Variants in DOCK9 observed in about 807,000 individuals in gnomAD.
DOCK9 encodes the protein dedicator of cytokinesis protein 9.
DOCK9 carries 89 observed loss-of-function variants against 263.3 expected under a neutral mutation model. The ratio of observed to expected loss-of-function variants is 0.34; its 90% confidence interval spans 0.28 to 0.40. The LOEUF is 0.40. DOCK9 is among the 10% of genes least tolerant of loss of function. DOCK9 has a pLI of 1.00. For synonymous variants in DOCK9, 976 were observed against 973.1 expected (o/e 1.00, Z -0.06); for missense variants, 2,140 against 2,603.4 (o/e 0.82, Z 3.87).
At chr13:98,853,646 T>A (rs2093630374) in intron 34 of DOCK9, 124 bp from the exon 35 acceptor site, 1 of 721,496 alleles carries the variant, frequency 1.4e-6, no homozygotes, top group Non-Finnish European at 2.4e-6. Flanking sequence ...AAGGTGCAAG[T>A]AACTTGCTGA....
At chr13:99,039,320 A>G (rs953233365) in intron 1 of DOCK9, among the ~76,000 whole-genome samples, 3 of 151,980 alleles carry the variant, frequency 2.0e-5, no homozygotes, top group Admixed American at 2.0e-4. Context: ...GATGGGTGTG[A>G]AAATGGCTCT....
intron 18 of DOCK9, 48 bp downstream of exon 18, chr13:98,888,110 T>C (rs1206130418): frequency 2.9e-6 from 4 of 1,370,770 alleles, no homozygotes; most frequent in East Asian, 2.4e-5. Context: ...ATTTTGAAAA[T>C]GGAAAAATCA....
chr13:98,800,719 CA>C (rs2090019250), intron 49 of DOCK9, among the ~76,000 whole-genome samples: 1 of 152,138 alleles, frequency 6.6e-6, no homozygotes, highest in South Asian at 2.1e-4. Context: ...TTTAATGTGA[CA>C]AGCGTGTCTT....
intron 1 of DOCK9, among the ~76,000 whole-genome samples, chr13:98,987,134 T>C (rs1878660998): frequency 6.6e-6 from 1 of 151,958 alleles, no homozygotes; most frequent in South Asian, 2.1e-4. Flanking sequence ...AACTTTCAAA[T>C]TGCTTAAAGA....
rs370881905 is a variant in DOCK9, at chr13:98,826,578, C to G, written c.5023+252G>C. Among the ~76,000 whole-genome samples the G allele has an allele frequency of 1.5e-3, 225 of 152,312 alleles. 10 individuals carry two copies. The South Asian group carries it at 0.043, about 29-fold the overall frequency. ...TTTGGCCAGATGCAAAACTCATTAG[C>G]TAGTTTTTGCAGAGTGAAGCTATCA... On this transcript the variant is annotated intron_variant, in intron 44 of 52. Coordinates refer to ENST00000682017, the MANE Select transcript of DOCK9 (RefSeq NM_001366683.2).
chr13:98,872,873 C>T (rs1283732772), intron 27 of DOCK9, among the ~76,000 whole-genome samples: 1 of 152,226 alleles, frequency 6.6e-6, no homozygotes, highest in African/African-American at 2.4e-5. Context: ...CACCACTATG[C>T]TGTGGAATCT....
rs2094098751 is a variant in DOCK9 at position 98,868,341 on chromosome 13, G to A, written c.2980C>T (p.His994Tyr). The change falls in exon 28 of 53, where the codon CAT becomes TAT. Residue 994 changes from histidine (H) to tyrosine (Y), a missense_variant. By Grantham distance (83) the His-to-Tyr change is moderately conservative. Coordinates refer to ENST00000682017, the MANE Select transcript of DOCK9 (RefSeq NM_001366683.2). ...ATATTTACAACGGTTTCCACTGCAT[G>A]ATGATAGGATGCAGGAAATCTCTGG... is the stretch of plus-strand genomic sequence containing the variant. ...RNQRFPASYHHAVETVVNMLM... is the reference protein window; with the variant it reads ...RNQRFPASYHYAVETVVNMLM... The A allele has an allele frequency of 6.2e-7, 1 of 1,613,222 alleles. No individual in the cohort carries two copies. The highest frequency in any genetic ancestry group is 8.5e-7 in the Non-Finnish European group (1 of 1,179,612).
rs1218849484 is a variant in DOCK9, at chr13:98,954,319, A to G, written c.243+1116T>C. Among the ~76,000 whole-genome samples, 4 of 152,178 alleles carry G rather than the reference A, an allele frequency of 2.6e-5. No homozygotes were observed. In the East Asian group the frequency reaches 7.7e-4, roughly 29 times the overall value. ...ACAGCATCAGGTAGAGAAGTGTCCA[A>G]CTAAGAGCATCAAAGGAGAGGAGAA... On this transcript the variant is annotated intron_variant, in intron 2 of 52. Transcript: ENST00000682017.
In DOCK9 at chr13:98,868,259, G is replaced by C; in HGVS notation, c.3062C>G (p.Ala1021Gly). The C allele has an allele frequency of 6.2e-7, 1 of 1,613,856 alleles. No homozygotes were observed. Among genetic ancestry groups the C allele is most frequent in the Non-Finnish European group, 8.5e-7 (1 of 1,179,868 alleles). ...FRDNPEASKN[A>G]NHSLAVFIKR... is the part of the protein sequence containing the mutation. ...GATGAAGACAGCAAGGCTATGATTC[G>C]CGTTCTTAGATGCCTCTGGATTATC... The change falls in exon 28 of 53, where the codon GCG (alanine) becomes GGG (glycine). Residue 1021 changes from alanine to glycine, a missense_variant. Around this residue, in one of 2 missense-constraint regions of DOCK9, gnomAD observed 1,521 missense variants for 1,741.7 expected, o/e 0.87. Transcript: ENST00000682017.
intron 1 of DOCK9, among the ~76,000 whole-genome samples, chr13:98,989,991 T>C (rs1018506281): frequency 6.6e-6 from 1 of 152,192 alleles, no homozygotes; most frequent in Non-Finnish European, 1.5e-5. Flanking sequence ...ATTGAAACAC[T>C]TGCTTAGCAG....
At chr13:99,042,902 G>A (rs1280776265) in intron 1 of DOCK9, among the ~76,000 whole-genome samples, 2 of 152,010 alleles carry the variant, frequency 1.3e-5, no homozygotes, top group African/African-American at 4.8e-5. Flanking sequence ...CATGTAGCCT[G>A]CTTCACAGAC....
At chr13:98,949,555 G>C (rs865827544) in intron 2 of DOCK9, among the ~76,000 whole-genome samples, 2 of 152,224 alleles carry the variant, frequency 1.3e-5, no homozygotes, top group Non-Finnish European at 2.9e-5. Flanking sequence ...ACTGTGATGA[G>C]AGGTGTCTGC....
chr13:98,895,334 A>G (rs2047248617), intron 15 of DOCK9, among the ~76,000 whole-genome samples: 1 of 152,042 alleles, frequency 6.6e-6, no homozygotes, highest in African/African-American at 2.4e-5. Flanking sequence ...CATAAGATAA[A>G]CTAAAATAAA....
intron 1 of DOCK9, among the ~76,000 whole-genome samples, chr13:98,984,857 T>A (rs1483750543): frequency 6.6e-6 from 1 of 152,180 alleles, no homozygotes; most frequent in Non-Finnish European, 1.5e-5. Context: ...ATGAGAACTT[T>A]CCTTATTGAT....
intron 1 of DOCK9, among the ~76,000 whole-genome samples, chr13:99,021,583 G>A (rs796251400): frequency 3.4e-5 from 5 of 148,150 alleles, no homozygotes; most frequent in African/African-American, 1.2e-4. Flanking sequence ...AGCTTGCAGT[G>A]AGCCGAGATC....
intron 1 of DOCK9, among the ~76,000 whole-genome samples, chr13:99,038,288 C>CCGCTTTTTTTTTTTTT (rs1888110933): frequency 2.3e-5 from 2 of 86,264 alleles, no homozygotes; most frequent in Non-Finnish European, 2.2e-5. Context: ...TTATGCCCCC[C>CCGCTTTTTTTTTTTTT]TTTTTTTTTT....
intron 1 of DOCK9, among the ~76,000 whole-genome samples, chr13:99,050,819 G>A (rs916828107): frequency 6.6e-6 from 1 of 152,176 alleles, no homozygotes; most frequent in Non-Finnish European, 1.5e-5. Context: ...ATGTGTCGTT[G>A]CTCTAAAACC....
At chr13:98,997,562 G>T (rs1427734007) in intron 1 of DOCK9, among the ~76,000 whole-genome samples, 2 of 152,220 alleles carry the variant, frequency 1.3e-5, no homozygotes, top group Non-Finnish European at 2.9e-5. Context: ...AATGAGGTTT[G>T]TCTTCAAAAC....
At chr13:98,906,568 GAC>G (rs2049131653) in intron 9 of DOCK9, among the ~76,000 whole-genome samples, 1 of 152,178 alleles carries the variant, frequency 6.6e-6, no homozygotes, top group South Asian at 2.1e-4. Context: ...TTTCCCCAAA[GAC>G]ATGAGTCACA....
Sources: gnomAD v4.1 joint callset for allele counts (sites outside exome capture counted in the v4.1 genomes callset) on GRCh38, gnomAD v4.1.1 for gene constraint, gnomAD v4.1.1 regional missense constraint, MANE v1.5 for transcripts, NCBI Gene and HGNC (gene_info 2026-07-23, HGNC 2026-07-21) for gene names.